SMC1B: variants seen among roughly 807,000 people sequenced by gnomAD.
The protein encoded by SMC1B is structural maintenance of chromosomes protein 1B.
A neutral mutation model predicts 157.9 loss-of-function variants in SMC1B; 60 were observed. That is an observed-to-expected ratio of 0.38 (90% CI 0.31 to 0.47). The LOEUF is 0.47. Ranked by LOEUF, SMC1B falls within the 20% of genes least tolerant of loss-of-function variation. The pLI, the probability that SMC1B is intolerant of heterozygous loss-of-function variation, is 0.99. For missense variants in SMC1B, 1,165 were observed against 1,426.2 expected (o/e 0.82, Z 2.95); for synonymous variants, 445 against 483.0 (o/e 0.92, Z 1.03).
chr22:45,366,004 G>T (rs180746156), intron 15 of SMC1B, among the ~76,000 whole-genome samples: 10 of 151,988 alleles, frequency 6.6e-5, no homozygotes, highest in Admixed American at 5.9e-4. Context: ...TTCCATTTTG[G>T]TTGTTTTTTG....
At position 45,398,332 on chromosome 22, in the gene SMC1B, G is replaced by T. The variant is rs136610; in HGVS notation, c.1113+763C>A. ...TGCCGGTACTTGGAACAGCTGGCTG[G>T]AAACTAAACTTGCTCGCTCACACAC... is the stretch of plus-strand genomic sequence containing the variant. On this transcript the variant is annotated intron_variant, in intron 6 of 24. Transcript: ENST00000357450. Among the ~76,000 whole-genome samples the T allele has an allele frequency of 5.7e-3, 862 of 152,238 alleles. 6 individuals carry two copies. The highest frequency in any genetic ancestry group is 0.02 in the African/African-American group (818 of 41,560).
At chr22:45,390,018 CATAATTA>C in intron 9 of SMC1B, 121 bp from the exon 10 acceptor site, 1 of 758,590 alleles carries the variant, frequency 1.3e-6, no homozygotes, top group Non-Finnish European at 2.1e-6. Flanking sequence ...TTACATACAT[CATAATTA>C]ATAGAGTTTT....
At chr22:45,412,223 G>A (rs527472739) in intron 1 of SMC1B, among the ~76,000 whole-genome samples, 33 of 148,110 alleles carry the variant, frequency 2.2e-4, no homozygotes, top group Middle Eastern at 3.7e-3. Flanking sequence ...TTTTAGAGTC[G>A]AAGTCTCGCT....
At chr22:45,352,235 A>AC (rs1258427071) in intron 22 of SMC1B, among the ~76,000 whole-genome samples, 5 of 150,766 alleles carry the variant, frequency 3.3e-5, no homozygotes, top group Non-Finnish European at 7.4e-5. Flanking sequence ...AAAAAAAAAA[A>AC]CCCCACTAAA....
intron 13 of SMC1B, 94 bp from the exon 14 acceptor site, chr22:45,371,681 A>G: frequency 1.4e-6 from 2 of 1,381,666 alleles, no homozygotes; most frequent in Non-Finnish European, 1.9e-6. Context: ...GAATAAAAGA[A>G]GAATCTATGA....
chr22:45,353,923 A>AAC lies in SMC1B; in HGVS notation c.3273+54_3273+55insGT, dbSNP rs1260500469. 100 of 1,036,904 alleles carry AAC rather than the reference A, an allele frequency of 9.6e-5. 9 individuals are homozygous for AAC. The highest frequency in any genetic ancestry group is 1.3e-4 in the Non-Finnish European group (94 of 725,732). The allele number at this position is 1,036,904 out of a possible 1,614,324, so 64.2% of individuals were successfully genotyped here. A position where few individuals can be genotyped will look rare whatever the true frequency, so the allele number is the denominator to read the frequency against. On this transcript the variant is annotated intron_variant, in intron 21 of 24. Transcript: ENST00000357450. ...AAAAAAAAAAAAAAAAAAAAAAACA[A>AAC]CCACCACCGGTAACACAGAATTCTC...
intron 21 of SMC1B, among the ~76,000 whole-genome samples, chr22:45,353,729 T>C (rs1375737011): frequency 1.3e-5 from 2 of 151,846 alleles, no homozygotes; most frequent in African/African-American, 2.4e-5. Context: ...GTCCATTTAT[T>C]TTTCAGATGA....
chr22:45,353,772 A>G (rs1044180242), intron 21 of SMC1B, among the ~76,000 whole-genome samples: 1 of 151,836 alleles, frequency 6.6e-6, no homozygotes, highest in Non-Finnish European at 1.5e-5. Flanking sequence ...TGACTTGTCC[A>G]CACTGAACAG....
chr22:45,402,384 T>G lies in SMC1B; in HGVS notation c.803A>C (p.Lys268Thr). The G allele has an allele frequency of 6.2e-7, 1 of 1,613,082 alleles. No homozygotes were observed. Among genetic ancestry groups the G allele is most frequent in the Non-Finnish European group, 8.5e-7 (1 of 1,179,372 alleles). Reference protein sequence around the residue: ...HHENIVKARKKEHGMLTRQLQ... With the variant: ...HHENIVKARKTEHGMLTRQLQ... ...TTGTCTAGTTAGCATTCCATGTTCC[T>G]TTTTCCTGGCTTTAACTATGTTTTC... is the stretch of plus-strand genomic sequence containing the variant. Residue 268 changes from lysine to threonine, a missense_variant, in exon 5 of 25, where the codon AAG (lysine) becomes ACG (threonine). Transcript: ENST00000357450.
At chr22:45,408,293 T>G (rs2087287583) in intron 2 of SMC1B, among the ~76,000 whole-genome samples, 1 of 152,068 alleles carries the variant, frequency 6.6e-6, no homozygotes, top group Admixed American at 6.6e-5. Context: ...GCCCAGCTAA[T>G]TTTTTGTATT....
At chr22:45,402,238 T>A in intron 5 of SMC1B, 95 bp downstream of exon 5, 1 of 901,702 alleles carries the variant, frequency 1.1e-6, no homozygotes, top group Non-Finnish European at 1.7e-6. Context: ...GTAAAAAGCT[T>A]ATTTTTAAAA....
In SMC1B at chr22:45,402,547, C is replaced by T; in HGVS notation, c.640G>A (p.Glu214Lys). The change falls in exon 5 of 25, where the codon GAA (glutamate) becomes AAA (lysine). Residue 214 changes from glutamate (E) to lysine (K), a missense_variant. Glu to Lys is a moderately conservative substitution (Grantham distance 56). Coordinates refer to ENST00000357450, the MANE Select transcript of SMC1B (RefSeq NM_148674.5). ...EEAERYQSLLEELKMNKIQLQ... is the reference protein window; with the variant it reads ...EEAERYQSLLKELKMNKIQLQ... ...TGTATCTTGTTCATTTTCAGTTCTT[C>T]AAGGAGACTCTGGTAACGTTCTGCC... The T allele has an allele frequency of 1.2e-6, 2 of 1,613,518 alleles. No individual in the cohort carries two copies. Among genetic ancestry groups the T allele is most frequent in the Non-Finnish European group, 1.7e-6 (2 of 1,179,744 alleles).
intron 11 of SMC1B, among the ~76,000 whole-genome samples, chr22:45,386,587 A>G (rs2086992052): frequency 2.0e-5 from 3 of 151,716 alleles, no homozygotes. Flanking sequence ...AACAACAACA[A>G]CAACAACAAC....
At chr22:45,396,319 A>T (rs1022172333) in intron 7 of SMC1B, 27 bp downstream of exon 7, 1 of 1,572,470 alleles carries the variant, frequency 6.4e-7, no homozygotes, top group African/African-American at 1.4e-5. Flanking sequence ...GAATGATTCT[A>T]AATCATTACT....
At chr22:45,346,755 G>A (rs2086555979) in intron 23 of SMC1B, among the ~76,000 whole-genome samples, 1 of 152,212 alleles carries the variant, frequency 6.6e-6, no homozygotes, top group African/African-American at 2.4e-5. Context: ...AGGATGCGAA[G>A]ATGCAGGGCA....
chr22:45,386,563 A>T (rs2086991569), intron 11 of SMC1B, among the ~76,000 whole-genome samples: 1 of 132,716 alleles, frequency 7.5e-6, no homozygotes, highest in Non-Finnish European at 1.5e-5. Context: ...CAGGGTCCAT[A>T]TAAGGTTTAA....
intron 19 of SMC1B, among the ~76,000 whole-genome samples, chr22:45,356,055 GC>G (rs1345278909): frequency 6.6e-6 from 1 of 152,182 alleles, no homozygotes; most frequent in Non-Finnish European, 1.5e-5. Flanking sequence ...AGGTGACAGA[GC>G]AAGACTCCGT....
intron 20 of SMC1B, 87 bp from the exon 21 acceptor site, chr22:45,354,219 T>TA (rs1322000197): frequency 8.9e-7 from 1 of 1,125,954 alleles, no homozygotes; most frequent in Admixed American, 3.0e-5. Flanking sequence ...TTTTTAAAAT[T>TA]GGATTTGAGT....
intron 23 of SMC1B, among the ~76,000 whole-genome samples, chr22:45,347,700 C>T (rs558079684): frequency 6.1e-4 from 93 of 152,276 alleles, no homozygotes; most frequent in African/African-American, 1.9e-3. Flanking sequence ...GTGATCCTCC[C>T]GCCTCAGCTT....
Sources: gnomAD v4.1 joint callset for allele counts (sites outside exome capture counted in the v4.1 genomes callset) on GRCh38, gnomAD v4.1.1 for gene constraint, MANE v1.5 for transcripts, NCBI Gene and HGNC (gene_info 2026-07-23, HGNC 2026-07-21) for gene names.